Variants in PARD3B observed in about 807,000 individuals in gnomAD.
The protein encoded by PARD3B is par-3 family cell polarity regulator beta.
Under a neutral mutation model 130.2 loss-of-function variants are expected in PARD3B, and 103 were observed. The observed-to-expected ratio is 0.79, with a 90% confidence interval of 0.67 to 0.93. The LOEUF (loss-of-function observed/expected upper bound fraction) is 0.93. PARD3B is among the 40% of genes least tolerant of loss of function. The probability of loss-of-function intolerance (pLI) is 0.00; values close to 1 mark genes in which losing one functional copy is unlikely to be tolerated. For synonymous variants in PARD3B, 583 were observed against 553.2 expected (o/e 1.05, Z -0.76); for missense variants, 1,609 against 1,499.2 (o/e 1.07, Z -1.21).
intron 1 of PARD3B, among the ~76,000 whole-genome samples, chr2:204,563,797 G>A (rs562642778): frequency 1.4e-4 from 22 of 151,906 alleles, no homozygotes; most frequent in Admixed American, 1.2e-3. Flanking sequence ...TTTTTGAGAC[G>A]GAGTCTTGCT....
chr2:204,630,356 T>C (rs189683359), intron 1 of PARD3B, among the ~76,000 whole-genome samples: 2 of 152,254 alleles, frequency 1.3e-5, no homozygotes, highest in Non-Finnish European at 2.9e-5. Flanking sequence ...TAGGGAACTT[T>C]GAAAAATTTT....
intron 1 of PARD3B, among the ~76,000 whole-genome samples, chr2:204,546,609 C>T (rs898294072): frequency 6.6e-6 from 1 of 152,132 alleles, no homozygotes; most frequent in Non-Finnish European, 1.5e-5. Context: ...ACTGATGGGG[C>T]CTTTGGAGTT....
Position 205,613,985 on chromosome 2 carries a change from CT to C in PARD3B, c.3261-1468del, listed in dbSNP as rs1351291141. The stretch of plus-strand genomic sequence containing the variant: ...TAGCAGTGTGTCTGACATTGGGGAG[CT>C]TTCCCTTAATTATTGTTGTTGTTTT... On this transcript the variant is annotated intron_variant, in intron 22 of 22. Coordinates refer to ENST00000406610, the MANE Select transcript of PARD3B (RefSeq NM_001302769.2). Among the ~76,000 whole-genome samples, 3 of 152,336 alleles carry C rather than the reference CT, an allele frequency of 2.0e-5. No individual in the cohort carries two copies. In the South Asian group the frequency reaches 6.2e-4, roughly 32 times the overall value.
rs1299899487 is a variant in PARD3B, at chr2:205,021,617, T to TCTCTCTCTCC, written c.395-25961_395-25960insTCTCTCCCTC. On this transcript the variant is annotated intron_variant, in intron 3 of 22. Coordinates refer to ENST00000406610, the MANE Select transcript of PARD3B (RefSeq NM_001302769.2). This position sits in a 1 kb window ranked among gnomAD's most constrained non-coding sequence, Gnocchi z 4.5. The stretch of plus-strand genomic sequence containing the variant: ...TCTTCTCTCTCTCTCTCTCTCTCTC[T>TCTCTCTCTCC]CTCCCTCTCTCTTTCTCTCTCTCTC... Among the ~76,000 whole-genome samples, 2 of 138,690 alleles carry TCTCTCTCTCC rather than the reference T, an allele frequency of 1.4e-5. No individual in the cohort carries two copies. Among genetic ancestry groups the TCTCTCTCTCC allele is most frequent in the African/African-American group, 5.5e-5 (2 of 36,220 alleles). 91.0% of individuals were successfully genotyped at this position (138,690 alleles called of 152,430 possible). A position where few individuals can be genotyped will look rare whatever the true frequency, so the allele number is the denominator to read the frequency against.
At chr2:205,020,237 T>C (rs1433685897) in intron 3 of PARD3B, among the ~76,000 whole-genome samples, 2 of 152,186 alleles carry the variant, frequency 1.3e-5, no homozygotes, top group Non-Finnish European at 2.9e-5. Context: ...TCTTGGACGA[T>C]GTTAACATCC....
intron 22 of PARD3B, among the ~76,000 whole-genome samples, chr2:205,599,601 T>A (rs751822182): frequency 2.8e-4 from 42 of 152,266 alleles, no homozygotes; most frequent in Middle Eastern, 3.4e-3. Context: ...TTTAGGAATG[T>A]TGGTTTTGTA....
At chr2:204,828,765 C>G (rs1045036777) in intron 2 of PARD3B, among the ~76,000 whole-genome samples, 1 of 152,104 alleles carries the variant, frequency 6.6e-6, no homozygotes, top group African/African-American at 2.4e-5. Context: ...CATAGTATGA[C>G]CAAATTAATA....
intron 3 of PARD3B, among the ~76,000 whole-genome samples, chr2:204,966,445 A>T (rs555270354): frequency 6.6e-6 from 1 of 152,262 alleles, no homozygotes; most frequent in South Asian, 2.1e-4. Flanking sequence ...GGCTTCAGCA[A>T]CCTTACAGCC....
At chr2:205,499,274 C>T (rs1198742698) in intron 20 of PARD3B, among the ~76,000 whole-genome samples, 1 of 150,922 alleles carries the variant, frequency 6.6e-6, no homozygotes, top group African/African-American at 2.4e-5. Context: ...GAGAGAAGAA[C>T]TTGGATTAGC....
chr2:205,544,395 C>G (rs1032123334), intron 21 of PARD3B, among the ~76,000 whole-genome samples: 1 of 152,078 alleles, frequency 6.6e-6, no homozygotes, highest in African/African-American at 2.4e-5. Flanking sequence ...ATTAAAGACA[C>G]AGAGCCAGAG....
intron 21 of PARD3B, among the ~76,000 whole-genome samples, chr2:205,533,069 T>C (rs949229574): frequency 6.6e-6 from 1 of 152,150 alleles, no homozygotes; most frequent in Non-Finnish European, 1.5e-5. Flanking sequence ...TGATGAGTGT[T>C]ATAATAACAC....
chr2:205,381,363 A>G (rs547809012), intron 18 of PARD3B, among the ~76,000 whole-genome samples: 9 of 150,692 alleles, frequency 6.0e-5, no homozygotes, highest in Non-Finnish European at 1.0e-4. Flanking sequence ...CATTTCTTCA[A>G]TGCTTGCTAA....
chr2:205,195,424 A>G (rs1426283566), intron 15 of PARD3B, among the ~76,000 whole-genome samples: 1 of 152,194 alleles, frequency 6.6e-6, no homozygotes. Context: ...GCTAAAGCCA[A>G]CAGTCTTTCA....
At chr2:205,489,008 A>G (rs981512249) in intron 20 of PARD3B, among the ~76,000 whole-genome samples, 16 of 152,214 alleles carry the variant, frequency 1.1e-4, no homozygotes, top group African/African-American at 3.9e-4. Flanking sequence ...CACAGTTGCA[A>G]ATTGATCCAA....
At chr2:204,718,097 A>G (rs1234684163) in intron 2 of PARD3B, among the ~76,000 whole-genome samples, 1 of 152,192 alleles carries the variant, frequency 6.6e-6, no homozygotes, top group African/African-American at 2.4e-5. Context: ...ATGAGAAATG[A>G]AAGCAGGAAG....
At chr2:205,038,551 A>G (rs1415579817) in intron 3 of PARD3B, among the ~76,000 whole-genome samples, 1 of 152,212 alleles carries the variant, frequency 6.6e-6, no homozygotes, top group African/African-American at 2.4e-5. Context: ...TAATAGTTCA[A>G]CCCACTTCAA....
chr2:205,277,219 G>T (rs753526681), intron 16 of PARD3B, among the ~76,000 whole-genome samples: 1 of 152,206 alleles, frequency 6.6e-6, no homozygotes, highest in African/African-American at 2.4e-5. Context: ...AGGAAGACAG[G>T]TATATACACA....
At chr2:205,237,386 C>A (rs1186918707) in intron 15 of PARD3B, among the ~76,000 whole-genome samples, 1 of 152,174 alleles carries the variant, frequency 6.6e-6, no homozygotes, top group African/African-American at 2.4e-5. Flanking sequence ...AGCCACCACA[C>A]TCAGCCAGTT....
chr2:205,107,638 A>G (rs982828136), intron 5 of PARD3B, among the ~76,000 whole-genome samples: 1 of 152,236 alleles, frequency 6.6e-6, no homozygotes, highest in Admixed American at 6.5e-5. Flanking sequence ...TATAATAGGG[A>G]CATATTTGCT....
Sources: allele counts gnomAD v4.1 joint callset (sites outside exome capture counted in the v4.1 genomes callset), GRCh38; gene constraint gnomAD v4.1.1; non-coding constraint Gnocchi (gnomAD v3.1); transcripts MANE v1.5; gene names NCBI Gene and HGNC (gene_info 2026-07-23, HGNC 2026-07-21).